GPR20: variants seen among roughly 807,000 people sequenced by gnomAD.
GPR20 encodes G protein-coupled receptor 20, also known as CTD-3064M3.3.
For missense variants in GPR20, 494 were observed against 527.4 expected (o/e 0.94, Z 0.62); for synonymous variants, 241 against 241.9 (o/e 1.00, Z 0.04).
chr8:141,363,832 G>T, intron 1 of GPR20, among the ~76,000 whole-genome samples: 1 of 152,356 alleles, frequency 6.6e-6, no homozygotes, highest in Admixed American at 6.5e-5. Flanking sequence ...GAGTGGCCCC[G>T]GCCCCAGGGC....
chr8:141,358,935 G>C (rs1165447476), intron 1 of GPR20, among the ~76,000 whole-genome samples: 1 of 152,112 alleles, frequency 6.6e-6, no homozygotes, highest in Non-Finnish European at 1.5e-5. Flanking sequence ...GAGGGGCTGT[G>C]CCGGAGCCAC....
intron 1 of GPR20, among the ~76,000 whole-genome samples, chr8:141,358,505 A>T (rs754756307): frequency 6.6e-6 from 1 of 152,192 alleles, no homozygotes; most frequent in Non-Finnish European, 1.5e-5. Context: ...CTGATGACCC[A>T]GTTCTGCTGG....
chr8:141,357,394 G>A lies in GPR20; in HGVS notation c.530C>T (p.Ala177Val). 1 of 1,588,768 alleles carries A rather than the reference G, an allele frequency of 6.3e-7. No homozygotes were observed. Among genetic ancestry groups the A allele is most frequent in the Non-Finnish European group, 8.5e-7 (1 of 1,170,122 alleles). Reference sequence around the variant, plus strand: ...CACCGACAGGGTGACGGCACCGGCGGCCAGCCACACGAAGGCGCACACGGC... The same window carrying A: ...CACCGACAGGGTGACGGCACCGGCGACCAGCCACACGAAGGCGCACACGGC... The part of the protein sequence containing the change: ...ARAVCAFVWL[A>V]AGAVTLSVLG... Residue 177 changes from alanine (A) to valine (V), a missense_variant, in exon 2 of 2, where the codon GCC becomes GTC. Physicochemically the swap from Ala to Val is moderately conservative, Grantham distance 64. Transcript: ENST00000377741.
At chr8:141,359,957 C>T (rs1293268446) in intron 1 of GPR20, among the ~76,000 whole-genome samples, 1 of 152,214 alleles carries the variant, frequency 6.6e-6, no homozygotes, top group Non-Finnish European at 1.5e-5. Flanking sequence ...ATTAGTGTCC[C>T]AATCAGAGAC....
intron 1 of GPR20, among the ~76,000 whole-genome samples, chr8:141,363,513 A>C (rs1454574130): frequency 1.3e-5 from 2 of 152,200 alleles, no homozygotes; most frequent in Non-Finnish European, 2.9e-5. Flanking sequence ...TGGCCACACC[A>C]CTAGTCCATG....
intron 1 of GPR20, among the ~76,000 whole-genome samples, chr8:141,361,319 G>A (rs1220521691): frequency 6.6e-6 from 1 of 152,238 alleles, no homozygotes; most frequent in Admixed American, 6.5e-5. Flanking sequence ...AGACCCAGCA[G>A]GGTAGGGACC....
rs750109587 is a variant in GPR20 at position 141,357,759 on chromosome 8, C to T, written c.165G>A (p.Ala55=). Reference sequence around the variant, plus strand: ...AGATGGCTCCGTGCACCGCCATCAGCGCCAGCCACAGGCCTGGGAAGGTGC... The same window carrying T: ...AGATGGCTCCGTGCACCGCCATCAGTGCCAGCCACAGGCCTGGGAAGGTGC... ...LHGTFPGLWL[A]LMAVHGAIFL... is the part of the protein sequence containing the mutation. Residue 55 remains alanine, a synonymous_variant, in exon 2 of 2, where the codon GCG becomes GCA. Coordinates refer to ENST00000377741, the MANE Select transcript of GPR20 (RefSeq NM_005293.3). The T allele has an allele frequency of 1.2e-5, 19 of 1,613,108 alleles. No homozygotes were observed. Among genetic ancestry groups the T allele is most frequent in the African/African-American group, 8.0e-5 (6 of 74,942 alleles).
At chr8:141,363,242 C>G (rs1378931019) in intron 1 of GPR20, among the ~76,000 whole-genome samples, 1 of 152,238 alleles carries the variant, frequency 6.6e-6, no homozygotes, top group Non-Finnish European at 1.5e-5. Flanking sequence ...AGAAATACTG[C>G]AGACACCCCC....
At position 141,357,048 on chromosome 8, in the gene GPR20, C is replaced by T; in HGVS notation, c.876G>A (p.Met292Ile). ...AVTLSSLNSC[M>I]DPIVYCFVTS... is the part of the protein sequence containing the mutation. ...TGACGAAGCAGTAGACGATGGGGTC[C>T]ATGCAGCTGTTGAGGCTGCTGAGGG... is the stretch of plus-strand genomic sequence containing the variant. The change falls in exon 2 of 2, where the codon ATG (methionine) becomes ATA (isoleucine). Residue 292 changes from methionine to isoleucine, a missense_variant. Coordinates refer to ENST00000377741, the MANE Select transcript of GPR20 (RefSeq NM_005293.3). 6.2e-7 allele frequency: 1 copy of T among 1,612,820 alleles called. No homozygotes were observed. The highest frequency in any genetic ancestry group is 8.5e-7 in the Non-Finnish European group (1 of 1,179,656).
chr8:141,356,725 G>A lies in GPR20; in HGVS notation c.*122C>T, dbSNP rs1364293876. ...AGTGGCCTTAGACGCTCAATGCGGT[G>A]CTCTGGGTAGCCATCACCAATCAAT... On this transcript the variant is annotated 3_prime_UTR_variant, in exon 2 of 2. Coordinates refer to ENST00000377741, the MANE Select transcript of GPR20 (RefSeq NM_005293.3). 3.0e-6 allele frequency: 2 copies of A among 661,740 alleles called. No individual in the cohort carries two copies. The highest frequency in any genetic ancestry group is 3.9e-5 in the South Asian group (2 of 51,572). The allele number at this position is 661,740 out of a possible 1,614,324, so 41.0% of individuals were successfully genotyped here. A position where few individuals can be genotyped will look rare whatever the true frequency, so the allele number is the denominator to read the frequency against.
At chr8:141,359,509 C>T (rs1831702031) in intron 1 of GPR20, among the ~76,000 whole-genome samples, 1 of 152,204 alleles carries the variant, frequency 6.6e-6, no homozygotes, top group Admixed American at 6.5e-5. Flanking sequence ...CAGGCCTGTG[C>T]CCAGCCCCTC....
intron 1 of GPR20, among the ~76,000 whole-genome samples, chr8:141,363,344 G>C (rs11988439): frequency 0.056 from 8,564 of 152,338 alleles, 318 homozygotes; most frequent in African/African-American, 0.1. Context: ...TCACACGTGG[G>C]GAGAGGCCAG....
At chr8:141,364,627 C>A (rs1194423372) in intron 1 of GPR20, among the ~76,000 whole-genome samples, 2 of 152,234 alleles carry the variant, frequency 1.3e-5, no homozygotes, top group Admixed American at 1.3e-4. Context: ...TGGGCCCCAT[C>A]TGACCCGACT....
chr8:141,363,814 A>G (rs770658606), intron 1 of GPR20, among the ~76,000 whole-genome samples: 1 of 152,228 alleles, frequency 6.6e-6, no homozygotes, highest in Non-Finnish European at 1.5e-5. Flanking sequence ...ATGTGAGACC[A>G]GGCAGCAGAG....
At chr8:141,363,502 A>G (rs780888208) in intron 1 of GPR20, among the ~76,000 whole-genome samples, 7 of 152,316 alleles carry the variant, frequency 4.6e-5, no homozygotes, top group Admixed American at 1.3e-4. Flanking sequence ...ATCCATCCCA[A>G]TGGCCACACC....
At chr8:141,361,864 G>T (rs1045014440) in intron 1 of GPR20, among the ~76,000 whole-genome samples, 2 of 152,090 alleles carry the variant, frequency 1.3e-5, no homozygotes, top group African/African-American at 4.8e-5. Context: ...GACCCCCAGA[G>T]CCCCCACCCC....
At chr8:141,366,465 G>C (rs781036060) in intron 1 of GPR20, among the ~76,000 whole-genome samples, 5 of 152,206 alleles carry the variant, frequency 3.3e-5, no homozygotes, top group Admixed American at 1.3e-4. Context: ...CTGCCCCCTC[G>C]GGACCCTGTC....
At position 141,357,661 on chromosome 8, in the gene GPR20, G is replaced by A; in HGVS notation, c.263C>T (p.Ser88Leu). 2 of 1,613,974 alleles carry A rather than the reference G, an allele frequency of 1.2e-6. No individual in the cohort carries two copies. The highest frequency in any genetic ancestry group is 8.5e-7 in the Non-Finnish European group (1 of 1,180,006). ...CACCAGGTTGATGGTGTAGATGACT[G>A]AGGGTGTCTTGGCCCGGGTGCGGCA... ...FCCRTRAKTPSVIYTINLVVT... is the reference protein window; with the variant it reads ...FCCRTRAKTPLVIYTINLVVT... The change falls in exon 2 of 2, where the codon TCA (serine) becomes TTA (leucine). Residue 88 changes from serine to leucine, a missense_variant. Ser to Leu is a moderately radical substitution (Grantham distance 145). Coordinates refer to ENST00000377741, the MANE Select transcript of GPR20 (RefSeq NM_005293.3).
chr8:141,362,561 A>G (rs1831750023), intron 1 of GPR20, among the ~76,000 whole-genome samples: 1 of 152,126 alleles, frequency 6.6e-6, no homozygotes, highest in Non-Finnish European at 1.5e-5. Flanking sequence ...TTCAGGGTGA[A>G]TGCCACCTGG....
Sources: allele counts gnomAD v4.1 joint callset (sites outside exome capture counted in the v4.1 genomes callset), GRCh38; gene constraint gnomAD v4.1.1; transcripts MANE v1.5; gene names NCBI Gene and HGNC (gene_info 2026-07-23, HGNC 2026-07-21).